Variants in AUTS2 observed in about 807,000 individuals in gnomAD.
The protein encoded by AUTS2 is autism susceptibility gene 2 protein.
A neutral mutation model predicts 112.4 loss-of-function variants in AUTS2; 17 were observed. The ratio of observed to expected loss-of-function variants is 0.15; its 90% CI spans 0.10 to 0.23. The LOEUF (loss-of-function observed/expected upper bound fraction) is 0.23, where lower values mean the gene tolerates loss of function less well. AUTS2 is among the 10% of genes least tolerant of loss of function. The probability of loss-of-function intolerance (pLI) is 1.00; values close to 1 mark genes in which losing one functional copy is unlikely to be tolerated. For missense variants in AUTS2, 1,510 were observed against 1,701.6 expected (o/e 0.89, Z 1.98); for synonymous variants, 751 against 702.7 (o/e 1.07, Z -1.09).
At chr7:69,820,214 T>C (rs1431234873) in intron 1 of AUTS2, among the ~76,000 whole-genome samples, 1 of 152,198 alleles carries the variant, frequency 6.6e-6, no homozygotes, top group African/African-American at 2.4e-5. Context: ...ATGTGGGAAC[T>C]GGACTAAAAG....
At position 69,818,663 on chromosome 7, in the gene AUTS2, A is replaced by G. The variant is rs543186429; in HGVS notation, c.310-80623A>G. On this transcript the variant is annotated intron_variant, in intron 1 of 18. Transcript: ENST00000342771. ...TCCGAAGCATTGATTTGTTTCTGGC[A>G]TGCTGATTTGGCTCAGCAGTCTCAT... Among the ~76,000 whole-genome samples, 8 of 152,320 alleles carry G rather than the reference A, an allele frequency of 5.3e-5. No individual in the cohort carries two copies. The South Asian group carries it at 1.2e-3, about 24-fold the overall frequency.
intron 1 of AUTS2, among the ~76,000 whole-genome samples, chr7:69,795,628 G>A (rs1195913143): frequency 1.3e-5 from 2 of 152,212 alleles, no homozygotes; most frequent in African/African-American, 4.8e-5. Flanking sequence ...ATGAATGAGA[G>A]CAGTGGCAGC....
intron 5 of AUTS2, among the ~76,000 whole-genome samples, chr7:70,570,235 T>G (rs1369454086): frequency 6.6e-6 from 1 of 152,194 alleles, no homozygotes; most frequent in African/African-American, 2.4e-5. Context: ...CACTCCTGAA[T>G]GAGGTGGTTG....
At chr7:69,859,800 AAACAAAACAAACAAAAACAACAAC>A (rs1325340434) in intron 1 of AUTS2, among the ~76,000 whole-genome samples, 1 of 152,156 alleles carries the variant, frequency 6.6e-6, no homozygotes, top group Non-Finnish European at 1.5e-5. Flanking sequence ...CAGAGTGAAA[AAACAAAACAAACAAAAACAACAAC>A]AACAAAACCC....
Position 70,661,918 on chromosome 7 carries a change from AC to A in AUTS2, c.691-36649del, listed in dbSNP as rs1807097730. 1.3e-5 allele frequency among the ~76,000 whole-genome samples: 2 copies of A among 152,174 alleles called. 1 individual carries two copies. The highest frequency in any genetic ancestry group is 4.1e-4 in the South Asian group (2 of 4,826). ...ATGAATAAAACTTAGAATACTAACA[AC>A]CACCCAGAAAGCCAGTCCCATCTCT... is the stretch of plus-strand genomic sequence containing the variant. On this transcript the variant is annotated intron_variant, in intron 5 of 18. Coordinates refer to ENST00000342771, the MANE Select transcript of AUTS2 (RefSeq NM_015570.4).
intron 5 of AUTS2, among the ~76,000 whole-genome samples, chr7:70,652,696 G>A (rs1352744159): frequency 6.6e-6 from 1 of 152,118 alleles, no homozygotes; most frequent in Non-Finnish European, 1.5e-5. Context: ...TTCAGCCTGG[G>A]CAACATAGCA....
chr7:70,782,799 G>A (rs947728625), intron 15 of AUTS2: 1 of 152,162 alleles, frequency 6.6e-6, no homozygotes, highest in Admixed American at 6.5e-5. Flanking sequence ...CACTGTTGGT[G>A]GACCTCTGGC....
intron 5 of AUTS2, among the ~76,000 whole-genome samples, chr7:70,657,656 C>T (rs1250848194): frequency 6.6e-6 from 1 of 152,176 alleles, no homozygotes; most frequent in East Asian, 1.9e-4. Context: ...GCTATTTTTT[C>T]CCCTAGCGTC....
At chr7:69,991,875 C>T (rs1172208775) in intron 2 of AUTS2, among the ~76,000 whole-genome samples, 1 of 152,100 alleles carries the variant, frequency 6.6e-6, no homozygotes, top group Non-Finnish European at 1.5e-5. Flanking sequence ...TATTCTAAGA[C>T]ATTTTTTTTG....
intron 2 of AUTS2, among the ~76,000 whole-genome samples, chr7:70,029,107 C>G (rs1263731873): frequency 6.6e-6 from 1 of 152,078 alleles, no homozygotes; most frequent in Non-Finnish European, 1.5e-5. Context: ...AAACTTTGAG[C>G]ATTTGTTATT....
At chr7:69,784,987 A>G (rs889898714) in intron 1 of AUTS2, among the ~76,000 whole-genome samples, 11 of 152,140 alleles carry the variant, frequency 7.2e-5, no homozygotes, top group Non-Finnish European at 2.9e-5. Context: ...TGATGAGGAC[A>G]TATTTATAAT....
chr7:69,826,448 A>T (rs558755245), intron 1 of AUTS2, among the ~76,000 whole-genome samples: 1 of 152,282 alleles, frequency 6.6e-6, no homozygotes, highest in African/African-American at 2.4e-5. Context: ...TTGGATTAGA[A>T]CACCCTATAA....
intron 1 of AUTS2, among the ~76,000 whole-genome samples, chr7:69,796,066 G>A (rs569833060): frequency 1.3e-5 from 2 of 152,326 alleles, no homozygotes; most frequent in East Asian, 3.9e-4. Context: ...AGGTTTCTGT[G>A]GTGGGCTGAC....
intron 6 of AUTS2, among the ~76,000 whole-genome samples, chr7:70,760,940 T>G (rs1038104819): frequency 1.3e-5 from 2 of 152,220 alleles, no homozygotes; most frequent in Non-Finnish European, 2.9e-5. Flanking sequence ...CTGGTGTTAT[T>G]GTTCCAGGCT....
intron 5 of AUTS2, among the ~76,000 whole-genome samples, chr7:70,585,078 G>C (rs138544472): frequency 3.0e-4 from 45 of 152,340 alleles, no homozygotes; most frequent in South Asian, 1.4e-3. Context: ...TCAAATCTGA[G>C]GGGTGTGTTG....
At chr7:70,435,610 C>G (rs954927648) in intron 4 of AUTS2, 142 bp from the exon 5 acceptor site, 8 of 820,016 alleles carry the variant, frequency 9.8e-6, no homozygotes, top group African/African-American at 1.7e-5. Context: ...TGGAGAAACT[C>G]TTTCTTTCCA....
At chr7:70,312,151 A>G (rs1303855343) in intron 4 of AUTS2, among the ~76,000 whole-genome samples, 1 of 152,116 alleles carries the variant, frequency 6.6e-6, no homozygotes, top group Non-Finnish European at 1.5e-5. Flanking sequence ...GAGCCACCAC[A>G]CCCCGCTGGG....
At chr7:70,440,301 A>G (rs1350719677) in intron 5 of AUTS2, among the ~76,000 whole-genome samples, 1 of 151,734 alleles carries the variant, frequency 6.6e-6, no homozygotes, top group African/African-American at 2.4e-5. Flanking sequence ...CCAGCTAGTC[A>G]GGAGGCTGAG....
intron 1 of AUTS2, among the ~76,000 whole-genome samples, chr7:69,656,466 T>C (rs1454779821): frequency 2.0e-5 from 3 of 152,244 alleles, no homozygotes; most frequent in Admixed American, 6.5e-5. Context: ...TTACTTTTTT[T>C]TTCTCTTTCA....
Sources: allele counts gnomAD v4.1 joint callset (sites outside exome capture counted in the v4.1 genomes callset), GRCh38; gene constraint gnomAD v4.1.1; transcripts MANE v1.5; gene names NCBI Gene and HGNC (gene_info 2026-07-23, HGNC 2026-07-21).